Variants in SASH1 observed in about 807,000 individuals in gnomAD.
SASH1 encodes SAM and SH3 domain containing 1.
Under a neutral mutation model 125.2 loss-of-function variants are expected in SASH1, and 44 were observed. That is an observed-to-expected ratio of 0.35 (90% CI 0.28 to 0.45). The LOEUF (loss-of-function observed/expected upper bound fraction) is 0.45, where lower values mean the gene tolerates loss of function less well. Among genes scored for constraint, SASH1 ranks in the 20% least tolerant of loss-of-function variants. The pLI is 1.00. For missense variants in SASH1, 1,426 were observed against 1,614.5 expected (o/e 0.88, Z 2.00); for synonymous variants, 639 against 649.1 (o/e 0.98, Z 0.24).
chr6:148,448,119 T>A (rs934644853), intron 4 of SASH1, among the ~76,000 whole-genome samples: 38 of 147,492 alleles, frequency 2.6e-4, no homozygotes, highest in African/African-American at 8.9e-4. Flanking sequence ...GGAGAGAGTG[T>A]GTGTGTGTGT....
intron 1 of SASH1, among the ~76,000 whole-genome samples, chr6:148,322,316 C>A (rs1204122741): frequency 6.6e-6 from 1 of 152,084 alleles, no homozygotes; most frequent in Non-Finnish European, 1.5e-5. Flanking sequence ...TGCGCCACTG[C>A]ACTCCAGCCT....
At chr6:148,240,754 A>G in the SASH1 span, among the ~76,000 whole-genome samples, 2 of 152,208 alleles carry the variant, frequency 1.3e-5, no homozygotes, top group African/African-American at 4.8e-5. Flanking sequence ...AAGATATTTT[A>G]AATTAAATTC....
intron 1 of SASH1, among the ~76,000 whole-genome samples, chr6:148,360,997 G>A (rs965298259): frequency 1.6e-4 from 25 of 152,224 alleles, no homozygotes; most frequent in Admixed American, 1.5e-3. Context: ...GTCCTTACTG[G>A]GACACAGACA....
At position 148,454,687 on chromosome 6, in the gene SASH1, C is replaced by T. The variant is rs185205829; in HGVS notation, c.387-13858C>T. Reference sequence around the variant, plus strand: ...CTGGTGATGGGCTTTGTATTTTAGACGGGCCACTGTCAGCGTGAGGAGGTG... The same window carrying T: ...CTGGTGATGGGCTTTGTATTTTAGATGGGCCACTGTCAGCGTGAGGAGGTG... On this transcript the variant is annotated intron_variant, in intron 4 of 19. Coordinates refer to ENST00000367467, the MANE Select transcript of SASH1 (RefSeq NM_015278.5). Among the ~76,000 whole-genome samples the T allele has an allele frequency of 1.9e-4, 29 of 152,234 alleles. No homozygotes were observed. In the East Asian group the frequency reaches 2.9e-3, roughly 15 times the overall value.
At chr6:148,235,407 C>T in the SASH1 span, among the ~76,000 whole-genome samples, 5 of 152,110 alleles carry the variant, frequency 3.3e-5, no homozygotes, top group African/African-American at 9.7e-5. Context: ...CCTTATTGTC[C>T]TTTTTAACCT....
intron 1 of SASH1, among the ~76,000 whole-genome samples, chr6:148,356,514 T>TTTTTTTTTTA (rs1781947002): frequency 1.6e-4 from 22 of 138,592 alleles, no homozygotes; most frequent in African/African-American, 2.2e-4. Context: ...TTTTTTTTTT[T>TTTTTTTTTTA]GAGACTGGGT....
At chr6:148,219,441 ATTC>A in the SASH1 span, among the ~76,000 whole-genome samples, 1 of 152,054 alleles carries the variant, frequency 6.6e-6, no homozygotes, top group Non-Finnish European at 1.5e-5. Context: ...TTATCCTCAA[ATTC>A]TTCTGACGCT....
chr6:148,375,999 T>A (rs933661951), intron 1 of SASH1, among the ~76,000 whole-genome samples: 2 of 152,120 alleles, frequency 1.3e-5, no homozygotes, highest in Non-Finnish European at 2.9e-5. Context: ...GGGCTAGGTG[T>A]GTTGTGAAGA....
chr6:148,218,828 C>A, the SASH1 span, among the ~76,000 whole-genome samples: 121 of 152,320 alleles, frequency 7.9e-4, 1 homozygote, highest in East Asian at 0.021. Flanking sequence ...CCTTATCTGA[C>A]CTTGGCTAGT....
chr6:148,214,753 A>T, the SASH1 span, among the ~76,000 whole-genome samples: 3 of 152,138 alleles, frequency 2.0e-5, no homozygotes, highest in Non-Finnish European at 2.9e-5. Context: ...GGGAGCGGGG[A>T]GGAAAGTCTC....
the SASH1 span, among the ~76,000 whole-genome samples, chr6:148,247,545 C>T: frequency 1.2e-4 from 19 of 152,172 alleles, no homozygotes; most frequent in Non-Finnish European, 1.8e-4. Context: ...CTTATGGAGA[C>T]GCCTTTAACA....
rs925871671 is a variant in SASH1 at position 148,529,748 on chromosome 6, C to CATT, written c.1429-1775_1429-1773dup. Among the ~76,000 whole-genome samples, 2 of 151,654 alleles carry CATT rather than the reference C, an allele frequency of 1.3e-5. No homozygotes were observed. The highest frequency in any genetic ancestry group is 1.3e-4 in the Admixed American group (2 of 15,214). On this transcript the variant is annotated intron_variant, in intron 12 of 19. Transcript: ENST00000367467. This position sits in a 1 kb window ranked among gnomAD's most constrained non-coding sequence, Gnocchi z 4.2. ...TTAAGGAATAAAAGAAACAACTGAT[C>CATT]ATTATAAATTTTCTGTAAAGCAAAA...
At chr6:148,214,004 A>C in the SASH1 span, among the ~76,000 whole-genome samples, 1 of 152,224 alleles carries the variant, frequency 6.6e-6, no homozygotes, top group Non-Finnish European at 1.5e-5. Flanking sequence ...GATGAATAGA[A>C]GAATTGTGTT....
chr6:148,292,386 A>G (rs1003544224), intron 1 of SASH1, among the ~76,000 whole-genome samples: 1 of 152,170 alleles, frequency 6.6e-6, no homozygotes, highest in African/African-American at 2.4e-5. Flanking sequence ...TACCTGCTTT[A>G]TCCTGGGATA....
chr6:148,529,030 G>A lies in SASH1; in HGVS notation c.1428+1434G>A, dbSNP rs185789177. 1.3e-3 allele frequency among the ~76,000 whole-genome samples: 194 copies of A among 152,092 alleles called. 2 individuals are homozygous for A. The highest frequency in any genetic ancestry group is 6.6e-3 in the South Asian group (32 of 4,818). On this transcript the variant is annotated intron_variant, in intron 12 of 19. Coordinates refer to ENST00000367467, the MANE Select transcript of SASH1 (RefSeq NM_015278.5). The surrounding 1 kb of genome is among the most constrained non-coding windows in gnomAD (Gnocchi z 4.2). The stretch of plus-strand genomic sequence containing the variant: ...GTGTGCACAATTCACAATAGGATTC[G>A]TGCTCCTACGAGAATCTAATACCGC...
At chr6:148,272,902 G>T (rs187045315) in intron 1 of SASH1, among the ~76,000 whole-genome samples, 1 of 152,106 alleles carries the variant, frequency 6.6e-6, no homozygotes, top group East Asian at 1.9e-4. Context: ...TTCCGTCTTC[G>T]TCTTCTCTGT....
chr6:148,514,555 G>GGAT, intron 9 of SASH1, 99 bp downstream of exon 9: 34 of 1,334,308 alleles, frequency 2.5e-5, no homozygotes, highest in Non-Finnish European at 3.0e-5. Flanking sequence ...AAAGGGATAC[G>GGAT]ATTTCAAGTG....
rs536086393 is a variant in SASH1, at chr6:148,297,895, C to A, written n.74+25518C>A. Among the ~76,000 whole-genome samples, 6 of 152,088 alleles carry A rather than the reference C, an allele frequency of 3.9e-5. No individual in the cohort carries two copies. The East Asian group carries it at 1.2e-3, about 29-fold the overall frequency. The stretch of plus-strand genomic sequence containing the variant: ...TGAAGCACTGATGTTAACAAAATAC[C>A]ACCACTCTTGGTAAAAATTAGTACA... On this transcript the variant is annotated intron_variant and non_coding_transcript_variant, in intron 1 of 3. Transcript: ENST00000367469.
At chr6:148,389,218 A>G (rs1445481228) in intron 1 of SASH1, among the ~76,000 whole-genome samples, 1 of 152,162 alleles carries the variant, frequency 6.6e-6, no homozygotes, top group African/African-American at 2.4e-5. Context: ...AGCGCTTCAC[A>G]CGTGTTACTC....
Sources: allele counts gnomAD v4.1 joint callset (sites outside exome capture counted in the v4.1 genomes callset), GRCh38; gene constraint gnomAD v4.1.1; non-coding constraint Gnocchi (gnomAD v3.1); transcripts MANE v1.5; gene names NCBI Gene and HGNC (gene_info 2026-07-23, HGNC 2026-07-21).